MOBP: variants seen among roughly 807,000 people sequenced by gnomAD.
MOBP encodes myelin-associated oligodendrocyte basic protein.
A neutral mutation model predicts 15.0 loss-of-function variants in MOBP; 5 were observed. That is an observed-to-expected ratio of 0.33 (90% confidence interval 0.17 to 0.70). MOBP has a LOEUF of 0.70. MOBP is among the 30% of genes least tolerant of loss of function. MOBP has a pLI of 0.67. For missense variants in MOBP, 188 were observed against 257.8 expected, an observed-to-expected ratio of 0.73 and a Z score of 1.85; for synonymous variants, 88 against 99.0, an observed-to-expected ratio of 0.89 and a Z score of 0.66.
chr3:39,513,297 A>G (rs2043145231), intron 4 of MOBP: 1 of 1,261,914 alleles, frequency 7.9e-7, no homozygotes, highest in Non-Finnish European at 1.1e-6. Context: ...AAAATCCACA[A>G]TTATACTAAC....
chr3:39,520,537 A>AGTGT (rs5848515), downstream of MOBP, among the ~76,000 whole-genome samples: 22 of 144,614 alleles, frequency 1.5e-4, 1 homozygote, highest in African/African-American at 5.3e-4. Flanking sequence ...TGTGTTCATG[A>AGTGT]GTGTGTGTGT....
intron 2 of MOBP, among the ~76,000 whole-genome samples, chr3:39,482,651 CAA>C (rs10576821): frequency 0.023 from 1,871 of 80,364 alleles, 25 homozygotes; most frequent in African/African-American, 0.074. Context: ...CACTCTGTCT[CAA>C]AAAAAAAAAA....
At chr3:39,477,376 G>A (rs1375547394) in intron 1 of MOBP, among the ~76,000 whole-genome samples, 1 of 151,568 alleles carries the variant, frequency 6.6e-6, no homozygotes, top group African/African-American at 2.4e-5. Flanking sequence ...AAAAATTCGT[G>A]TCATCTAGTG....
chr3:39,490,902 G>A (rs1329965486), intron 2 of MOBP, among the ~76,000 whole-genome samples: 1 of 152,154 alleles, frequency 6.6e-6, no homozygotes. Context: ...AAGGCACAGG[G>A]GGTGATGGTG....
At chr3:39,496,429 A>G (rs533725664) in intron 2 of MOBP, among the ~76,000 whole-genome samples, 16 of 151,832 alleles carry the variant, frequency 1.1e-4, no homozygotes, top group South Asian at 4.2e-4. Flanking sequence ...TTGATCTCCT[A>G]ACCTCATGAT....
At chr3:39,492,627 T>A (rs994823634) in intron 2 of MOBP, among the ~76,000 whole-genome samples, 3 of 152,256 alleles carry the variant, frequency 2.0e-5, no homozygotes, top group Non-Finnish European at 2.9e-5. Context: ...TGAATAAATT[T>A]GAAATTTCTT....
chr3:39,493,385 C>CT (rs535210617), intron 2 of MOBP, among the ~76,000 whole-genome samples: 135 of 144,942 alleles, frequency 9.3e-4, no homozygotes, highest in East Asian at 2.6e-3. Context: ...TTCACAAAAT[C>CT]TTTTTTTTTT....
chr3:39,474,375 G>T (rs9853313), intron 1 of MOBP, among the ~76,000 whole-genome samples: 2 of 152,128 alleles, frequency 1.3e-5, no homozygotes. Context: ...ACAAAGATAC[G>T]TTCTGAGAAA....
chr3:39,505,526 ACTCTTTCC>A (rs1246111786), downstream of MOBP, among the ~76,000 whole-genome samples: 1 of 151,970 alleles, frequency 6.6e-6, no homozygotes, highest in East Asian at 1.9e-4. Context: ...TGTGGCATAT[ACTCTTTCC>A]TATCTGGGAG....
intron 2 of MOBP, among the ~76,000 whole-genome samples, chr3:39,490,198 A>G (rs962589536): frequency 3.3e-5 from 5 of 152,200 alleles, no homozygotes; most frequent in African/African-American, 1.2e-4. Context: ...GCAGAAATTA[A>G]GTTTGAGATT....
intron 2 of MOBP, among the ~76,000 whole-genome samples, chr3:39,499,093 G>A (rs2042931711): frequency 6.6e-6 from 1 of 152,194 alleles, no homozygotes; most frequent in Non-Finnish European, 1.5e-5. Context: ...AAGGCCAGAG[G>A]AATTGGGAAT....
At chr3:39,523,808 C>G (rs1432350619) in intron 3 of MOBP, among the ~76,000 whole-genome samples, 1 of 152,096 alleles carries the variant, frequency 6.6e-6, no homozygotes, top group Non-Finnish European at 1.5e-5. Context: ...AGTTATGTAA[C>G]AAAAACTGGG....
chr3:39,487,702 T>C (rs1048234950), intron 2 of MOBP, among the ~76,000 whole-genome samples: 2 of 151,808 alleles, frequency 1.3e-5, no homozygotes, highest in Non-Finnish European at 2.9e-5. Context: ...TTTTTGTATT[T>C]TTAGTAGAGA....
Position 39,502,577 on chromosome 3 carries a change from G to A in MOBP, c.249G>A (p.Gln83=), listed in dbSNP as rs1000894844. The A allele has an allele frequency of 6.3e-7, 1 of 1,576,464 alleles. No homozygotes were observed. Among genetic ancestry groups the A allele is most frequent in the Admixed American group, 1.8e-5 (1 of 56,334 alleles). The change falls in exon 4 of 4, where the codon CAG becomes CAA. Residue 83 remains glutamine (Q), a synonymous_variant. Transcript: ENST00000684792. The surrounding 1 kb of genome is among the most constrained non-coding windows in gnomAD (Gnocchi z 6.3). ...AGTCCCCTCAGAGGCCCAAGCAACA[G>A]CCAGCTGCGCCCCCCGCGGTGGTCA... ...RAKSPQRPKQ[Q]PAAPPAVVRA...
intron 1 of MOBP, among the ~76,000 whole-genome samples, chr3:39,472,201 C>T (rs1415415966): frequency 3.9e-5 from 6 of 152,186 alleles, no homozygotes; most frequent in Admixed American, 3.9e-4. Flanking sequence ...AAAATGAATT[C>T]CTTAGATTAA....
intron 1 of MOBP, among the ~76,000 whole-genome samples, chr3:39,468,840 T>G (rs1246819195): frequency 8.6e-6 from 1 of 115,662 alleles, no homozygotes; most frequent in Non-Finnish European, 1.6e-5. Flanking sequence ...TGTGTGTATA[T>G]ATACATATAT....
At position 39,502,141 on chromosome 3, in the gene MOBP, A is replaced by C. The variant is rs2042980018; in HGVS notation, c.72A>C (p.Ile24=). 6.2e-7 allele frequency: 1 copy of C among 1,614,122 alleles called. No individual in the cohort carries two copies. The highest frequency in any genetic ancestry group is 1.7e-5 in the Admixed American group (1 of 60,012). ...KNQKYSEHFS[I]HCCPPFTFLN... ...AGAAGTACTCCGAACACTTCAGCATACACTGCTGCCCGCCGTTCACCTTCC... is the reference window on the plus strand; with the variant it reads ...AGAAGTACTCCGAACACTTCAGCATCCACTGCTGCCCGCCGTTCACCTTCC... The change falls in exon 3 of 4, where the codon ATA becomes ATC. Residue 24 remains isoleucine (I), a synonymous_variant. Coordinates refer to ENST00000684792, the MANE Select transcript of MOBP (RefSeq NM_001393704.1). This position sits in a 1 kb window ranked among gnomAD's most constrained non-coding sequence, Gnocchi z 6.3.
downstream of MOBP, among the ~76,000 whole-genome samples, chr3:39,504,608 C>T (rs556282563): frequency 6.6e-6 from 1 of 152,238 alleles, no homozygotes; most frequent in Non-Finnish European, 1.5e-5. Flanking sequence ...AGTCTTCATT[C>T]GTAATGTCCC....
At chr3:39,521,268 A>G (rs1036237584) in intron 3 of MOBP, among the ~76,000 whole-genome samples, 3 of 152,164 alleles carry the variant, frequency 2.0e-5, no homozygotes, top group Admixed American at 1.3e-4. Context: ...TGTATATTCT[A>G]AACATTAAAG....
Sources: allele counts gnomAD v4.1 joint callset (sites outside exome capture counted in the v4.1 genomes callset), GRCh38; gene constraint gnomAD v4.1.1; non-coding constraint Gnocchi (gnomAD v3.1); transcripts MANE v1.5; gene names NCBI Gene and HGNC (gene_info 2026-07-23, HGNC 2026-07-21).